Variants in CLCN4 observed in about 807,000 individuals in gnomAD.
The protein encoded by CLCN4 is Cl-/H+ antiporter 4, also known as H(+)/Cl(-) exchange transporter 4.
Under a neutral mutation model 41.7 loss-of-function variants are expected in CLCN4, and 1 was observed. The observed-to-expected ratio is 0.02, with a 90% CI of 0.01 to 0.11. The LOEUF is 0.11. Ranked by LOEUF, CLCN4 falls within the 10% of genes least tolerant of loss-of-function variation. The probability of loss-of-function intolerance (pLI) is 1.00; values close to 1 mark genes in which losing one functional copy is unlikely to be tolerated. For synonymous variants in CLCN4, 277 were observed against 285.8 expected (o/e 0.97, Z 0.31); for missense variants, 287 against 661.0 (o/e 0.43, Z 6.20).
At chrX:10,184,504 TG>T (rs754355296) in intron 2 of CLCN4, among the ~76,000 whole-genome samples, 31 of 111,787 alleles carry the variant, frequency 2.8e-4, no homozygotes, top group African/African-American at 9.8e-4. Flanking sequence ...TTTAGTGCCA[TG>T]TTTTTCACAG....
Position 10,234,949 on chromosome X carries a change from T to G in CLCN4, c.*1365T>G, listed in dbSNP as rs942077572. On this transcript the variant is annotated 3_prime_UTR_variant, in exon 13 of 13. Coordinates refer to ENST00000380833, the MANE Select transcript of CLCN4 (RefSeq NM_001830.4). ...TTTCTCTTTAGTCTTTGTCCCTTCC[T>G]TTTCACTAAGTGCCCCTCATCCTTT... 1.9e-4 allele frequency: 21 copies of G among 112,209 alleles called. No individual in the cohort carries two copies. Among genetic ancestry groups the G allele is most frequent in the African/African-American group, 6.5e-4 (20 of 30,861 alleles). 9.2% of individuals were successfully genotyped at this position (112,209 alleles called of 1,213,427 possible).
chrX:10,235,095 C>T lies in CLCN4; in HGVS notation c.*1511C>T, dbSNP rs1359581981. 1 of 112,351 alleles carries T rather than the reference C, an allele frequency of 8.9e-6. No homozygotes were observed. Among genetic ancestry groups the T allele is most frequent in the Non-Finnish European group, 1.9e-5 (1 of 53,298 alleles). 9.3% of individuals were successfully genotyped at this position (112,351 alleles called of 1,213,427 possible). A position where few individuals can be genotyped will look rare whatever the true frequency, so the allele number is the denominator to read the frequency against. The stretch of plus-strand genomic sequence containing the variant: ...AACCCTGAGAGGGGGTACTCCAGGA[C>T]TGTCTCCATAACATCATTGGGATCC... On this transcript the variant is annotated 3_prime_UTR_variant, in exon 13 of 13. Transcript: ENST00000380833.
At chrX:10,212,440 T>A (rs781639399) in intron 9 of CLCN4, 27 bp from the exon 10 acceptor site, 2 of 1,196,183 alleles carry the variant, frequency 1.7e-6, no homozygotes. Context: ...TTTTCCCTCA[T>A]GTTGCTTTTC....
At chrX:10,230,205 G>A (rs1161298987) in intron 12 of CLCN4, among the ~76,000 whole-genome samples, 1 of 111,406 alleles carries the variant, frequency 9.0e-6, no homozygotes, top group Non-Finnish European at 1.9e-5. Context: ...CCATTCTGTG[G>A]GTTGTCTCTT....
chrX:10,161,244 G>A (rs959936701), intron 2 of CLCN4, among the ~76,000 whole-genome samples: 3 of 108,564 alleles, frequency 2.8e-5, no homozygotes, highest in Non-Finnish European at 5.7e-5. Context: ...GTTGGCCTTC[G>A]GTGAGGAAGA....
chrX:10,204,060 G>T (rs1924308442), intron 6 of CLCN4, among the ~76,000 whole-genome samples: 1 of 111,683 alleles, frequency 9.0e-6, no homozygotes, highest in South Asian at 3.8e-4. Context: ...TCAGCCAATT[G>T]GGGGACGGGT....
At chrX:10,199,790 G>T (rs1008199182) in intron 6 of CLCN4, among the ~76,000 whole-genome samples, 1 of 107,432 alleles carries the variant, frequency 9.3e-6, no homozygotes, top group South Asian at 4.0e-4. Flanking sequence ...ACAGAGTCTC[G>T]CTCTGTTGCC....
chrX:10,170,141 G>A (rs1439280866), intron 2 of CLCN4, among the ~76,000 whole-genome samples: 1 of 112,067 alleles, frequency 8.9e-6, no homozygotes, highest in Non-Finnish European at 1.9e-5. Flanking sequence ...GCATTCAATA[G>A]CTGACTACTT....
In CLCN4 at chrX:10,182,928, C is replaced by T. The variant is rs377427286; in HGVS notation, c.-11-2094C>T. Among the ~76,000 whole-genome samples the T allele has an allele frequency of 3.6e-5, 4 of 112,021 alleles. No individual in the cohort carries two copies. The East Asian group carries it at 8.4e-4, about 23-fold the overall frequency. ...ATTATTGCCTGAAGTAGTTGTTTGA[C>T]TAGAGATGTAGTTAAATTTTAGGTG... On this transcript the variant is annotated intron_variant, in intron 2 of 12. Coordinates refer to ENST00000380833, the MANE Select transcript of CLCN4 (RefSeq NM_001830.4).
chrX:10,215,336 C>T (rs1263812819), intron 11 of CLCN4, among the ~76,000 whole-genome samples: 1 of 112,050 alleles, frequency 8.9e-6, no homozygotes, highest in Non-Finnish European at 1.9e-5. Flanking sequence ...GGCTTTATAA[C>T]AATAAGTTGA....
At chrX:10,228,546 G>T (rs5979284) in intron 12 of CLCN4, among the ~76,000 whole-genome samples, 1,330 of 111,545 alleles carry the variant, frequency 0.012, 9 homozygotes, top group Middle Eastern at 0.065. Flanking sequence ...TCCTGGAATG[G>T]CTGCATTTTG....
At chrX:10,225,859 C>A (rs1418614996) in intron 12 of CLCN4, among the ~76,000 whole-genome samples, 1 of 111,544 alleles carries the variant, frequency 9.0e-6, no homozygotes, top group African/African-American at 3.3e-5. Context: ...GAGTCCTTTC[C>A]CCATTGATTG....
At chrX:10,230,516 G>C (rs1925102252) in intron 12 of CLCN4, among the ~76,000 whole-genome samples, 1 of 112,184 alleles carries the variant, frequency 8.9e-6, no homozygotes, top group African/African-American at 3.2e-5. Context: ...GGAAAGAAAT[G>C]GTTTCAGGCT....
rs763445599 is a variant in CLCN4 at position 10,168,734 on chromosome X, G to A, written c.-12+10183G>A. On this transcript the variant is annotated intron_variant, in intron 2 of 12. Transcript: ENST00000380833. The stretch of plus-strand genomic sequence containing the variant: ...GTAACAGTGCCCAGATCCAGAAATG[G>A]AACATGACCAGTTCCCAGAAGCCAC... Among the ~76,000 whole-genome samples, 133 of 110,966 alleles carry A rather than the reference G, an allele frequency of 1.2e-3. 1 individual carries two copies. The highest frequency in any genetic ancestry group is 2.1e-3 in the Non-Finnish European group (113 of 53,065).
At chrX:10,220,053 T>A (rs1022466245) in intron 11 of CLCN4, among the ~76,000 whole-genome samples, 8 of 111,609 alleles carry the variant, frequency 7.2e-5, no homozygotes, top group African/African-American at 2.0e-4. Context: ...GGCCCATTTT[T>A]AAGACAGGAG....
Position 10,199,048 on chromosome X carries a change from C to T in CLCN4, c.555+987C>T, listed in dbSNP as rs1924169309. ...AATCAGAGGCAAAATTCAACATGGT[C>T]TTGTTTCAGGAAAGATAGAAAAAAG... On this transcript the variant is annotated intron_variant, in intron 6 of 12. Coordinates refer to ENST00000380833, the MANE Select transcript of CLCN4 (RefSeq NM_001830.4). Among the ~76,000 whole-genome samples the T allele has an allele frequency of 3.6e-5, 4 of 112,262 alleles. No individual in the cohort carries two copies. In the South Asian group the frequency reaches 1.5e-3, roughly 41 times the overall value.
intron 5 of CLCN4, among the ~76,000 whole-genome samples, chrX:10,195,733 G>T (rs925025768): frequency 8.9e-6 from 1 of 112,413 alleles, no homozygotes; most frequent in African/African-American, 3.2e-5. Flanking sequence ...TCATGTAAAT[G>T]AAATCATACA....
intron 5 of CLCN4, 35 bp downstream of exon 5, chrX:10,195,133 C>G (rs757540424): frequency 2.6e-6 from 3 of 1,158,492 alleles, no homozygotes; most frequent in African/African-American, 1.8e-5. Flanking sequence ...CTGGGGACCC[C>G]TGCCGTTCCA....
intron 2 of CLCN4, among the ~76,000 whole-genome samples, chrX:10,175,890 T>TTCTC (rs1222370076): frequency 1.1e-3 from 32 of 29,113 alleles, no homozygotes; most frequent in African/African-American, 4.2e-3. Flanking sequence ...CTCTCTCTCT[T>TTCTC]TCTCTCTCTC....
Sources: gnomAD v4.1 joint callset for allele counts (sites outside exome capture counted in the v4.1 genomes callset) on GRCh38, gnomAD v4.1.1 for gene constraint, MANE v1.5 for transcripts, NCBI Gene and HGNC (gene_info 2026-07-23, HGNC 2026-07-21) for gene names.